The following EIF3H variants were observed in gnomAD, a reference collection of about 807,000 sequenced individuals.
EIF3H encodes eIF-3-gamma.
A neutral mutation model predicts 44.2 loss-of-function variants in EIF3H; 26 were observed. The ratio of observed to expected loss-of-function variants is 0.59; its 90% CI spans 0.43 to 0.82. The LOEUF (loss-of-function observed/expected upper bound fraction) is 0.82. Among genes scored for constraint, EIF3H ranks in the 40% least tolerant of loss-of-function variants. EIF3H has a pLI of 0.00. For synonymous variants in EIF3H, 166 were observed against 151.9 expected (o/e 1.09, Z -0.68); for missense variants, 359 against 432.8 (o/e 0.83, Z 1.51).
intron 2 of EIF3H, among the ~76,000 whole-genome samples, chr8:116,681,666 CAAAAA>C (rs1176033381): frequency 1.1e-5 from 1 of 90,770 alleles, no homozygotes; most frequent in African/African-American, 3.8e-5. Context: ...AACTCCATCT[CAAAAA>C]AAAAAAAAAA....
At chr8:116,742,991 G>T (rs1452416036) in intron 1 of EIF3H, among the ~76,000 whole-genome samples, 1 of 152,180 alleles carries the variant, frequency 6.6e-6, no homozygotes, top group Non-Finnish European at 1.5e-5. Flanking sequence ...TAGTCAAGAG[G>T]TCCTTTAGAA....
At chr8:116,698,035 G>C (rs1249282495) in intron 2 of EIF3H, among the ~76,000 whole-genome samples, 1 of 152,160 alleles carries the variant, frequency 6.6e-6, no homozygotes, top group African/African-American at 2.4e-5. Context: ...CTTAAGGGTA[G>C]GCAGAATTAT....
At chr8:116,667,083 AG>A (rs777288713) in intron 2 of EIF3H, among the ~76,000 whole-genome samples, 36 of 152,334 alleles carry the variant, frequency 2.4e-4, no homozygotes, top group Admixed American at 7.8e-4. Flanking sequence ...ATTAGAATAT[AG>A]AAACTAGAAA....
intron 5 of EIF3H, among the ~76,000 whole-genome samples, chr8:116,652,381 A>C (rs1586432217): frequency 1.3e-5 from 2 of 152,262 alleles, no homozygotes; most frequent in Admixed American, 6.5e-5. Context: ...TCTATCGAGA[A>C]GTTTGATTAT....
At chr8:116,646,406 C>T in intron 7 of EIF3H, 65 bp downstream of exon 7, 1 of 1,607,828 alleles carries the variant, frequency 6.2e-7, no homozygotes, top group Non-Finnish European at 8.5e-7. Flanking sequence ...TTGTAAATTT[C>T]TCACTGTCTT....
At chr8:116,702,275 G>A (rs1259725951) in intron 2 of EIF3H, among the ~76,000 whole-genome samples, 3 of 152,262 alleles carry the variant, frequency 2.0e-5, no homozygotes, top group Non-Finnish European at 2.9e-5. Flanking sequence ...CTGGCATAAC[G>A]GGAGAAGAAA....
At chr8:116,683,702 C>T (rs1005440554) in intron 2 of EIF3H, among the ~76,000 whole-genome samples, 1 of 151,918 alleles carries the variant, frequency 6.6e-6, no homozygotes, top group African/African-American at 2.4e-5. Context: ...TCAATATTCA[C>T]AAAAAAGACT....
At chr8:116,720,621 G>A (rs1002268108) in intron 2 of EIF3H, among the ~76,000 whole-genome samples, 1 of 152,224 alleles carries the variant, frequency 6.6e-6, no homozygotes, top group Admixed American at 6.5e-5. Context: ...GGCTGAAACA[G>A]TTGGGAGGGC....
At chr8:116,666,206 A>C (rs1328173659) in intron 2 of EIF3H, among the ~76,000 whole-genome samples, 1 of 152,216 alleles carries the variant, frequency 6.6e-6, no homozygotes, top group East Asian at 1.9e-4. Flanking sequence ...TGTCTTCTTT[A>C]AAGTGTTTAT....
At position 116,718,717 on chromosome 8, in the gene EIF3H, T is replaced by C. The variant is rs142782108; in HGVS notation, c.289+7299A>G. Reference sequence around the variant, plus strand: ...GACCGATACAATGGGCTTTGAGGAATTGGAGAAAGGGTCGGGGGCGGGGTG... The same window carrying C: ...GACCGATACAATGGGCTTTGAGGAACTGGAGAAAGGGTCGGGGGCGGGGTG... On this transcript the variant is annotated intron_variant, in intron 2 of 7. Transcript: ENST00000521861. 9.9e-3 allele frequency among the ~76,000 whole-genome samples: 1,046 copies of C among 105,714 alleles called. 9 individuals are homozygous for C. Among genetic ancestry groups the C allele is most frequent in the Middle Eastern group, 0.028 (4 of 142 alleles). The allele number at this position is 105,714 out of a possible 152,430, so 69.4% of individuals were successfully genotyped here.
intron 2 of EIF3H, among the ~76,000 whole-genome samples, chr8:116,674,546 C>T (rs1159103536): frequency 6.6e-6 from 1 of 151,922 alleles, no homozygotes; most frequent in East Asian, 1.9e-4. Flanking sequence ...CCATTACAAA[C>T]GAAAAAAGAA....
chr8:116,659,124 G>A (rs955656063), intron 2 of EIF3H, 144 bp from the exon 3 acceptor site: 11 of 677,744 alleles, frequency 1.6e-5, no homozygotes, highest in Non-Finnish European at 2.5e-5. Context: ...AATTCATTCA[G>A]TTCACATATA....
chr8:116,683,924 T>C (rs2130848631), intron 2 of EIF3H, among the ~76,000 whole-genome samples: 1 of 152,300 alleles, frequency 6.6e-6, no homozygotes, highest in South Asian at 2.1e-4. Context: ...TATTCACAGT[T>C]TACTACACAG....
chr8:116,742,322 C>T (rs910716503), intron 1 of EIF3H, among the ~76,000 whole-genome samples: 1 of 152,084 alleles, frequency 6.6e-6, no homozygotes, highest in African/African-American at 2.4e-5. Flanking sequence ...AAGAATGGTA[C>T]TAATCTTATA....
At chr8:116,745,167 G>C (rs1815210417) in intron 1 of EIF3H, among the ~76,000 whole-genome samples, 1 of 152,174 alleles carries the variant, frequency 6.6e-6, no homozygotes, top group Non-Finnish European at 1.5e-5. Context: ...TATAAATCCA[G>C]GCCAGATTTG....
At position 116,735,686 on chromosome 8, in the gene EIF3H, A is replaced by C. The variant is rs574269834; in HGVS notation, c.133-9514T>G. Among the ~76,000 whole-genome samples the C allele has an allele frequency of 2.0e-5, 3 of 152,262 alleles. No homozygotes were observed. In the South Asian group the frequency reaches 6.2e-4, roughly 32 times the overall value. On this transcript the variant is annotated intron_variant, in intron 1 of 7. Coordinates refer to ENST00000521861, the MANE Select transcript of EIF3H (RefSeq NM_003756.3). ...CCACCACCACATAATGAGTAATGCA[A>C]ATAGGTCGTCTTGGCCCCATGTGGA...
intron 1 of EIF3H, among the ~76,000 whole-genome samples, chr8:116,737,984 G>A (rs1449066664): frequency 1.4e-5 from 2 of 146,354 alleles, no homozygotes; most frequent in Non-Finnish European, 3.0e-5. Flanking sequence ...GCAATGAGCC[G>A]AGATCGCACT....
chr8:116,739,784 C>T (rs1028031637), intron 1 of EIF3H, among the ~76,000 whole-genome samples: 3 of 152,192 alleles, frequency 2.0e-5, no homozygotes, highest in African/African-American at 7.2e-5. Context: ...ATTCCTCTAG[C>T]GCCGCTGGGT....
intron 4 of EIF3H, 27 bp from the exon 5 acceptor site, chr8:116,656,032 G>C: frequency 6.2e-7 from 1 of 1,607,648 alleles, no homozygotes; most frequent in Non-Finnish European, 8.5e-7. Context: ...AAATACTTTA[G>C]TCTGATGGTC....
Sources: gnomAD v4.1 joint callset for allele counts (sites outside exome capture counted in the v4.1 genomes callset) on GRCh38, gnomAD v4.1.1 for gene constraint, MANE v1.5 for transcripts, NCBI Gene and HGNC (gene_info 2026-07-23, HGNC 2026-07-21) for gene names.